Variants in RORB observed in about 807,000 individuals in gnomAD.
RORB encodes RAR related orphan receptor B.
A neutral mutation model predicts 59.1 loss-of-function variants in RORB; 6 were observed. The observed-to-expected ratio is 0.10, with a 90% CI of 0.06 to 0.20. The LOEUF is 0.20. Ranked by LOEUF, RORB falls within the 10% of genes least tolerant of loss-of-function variation. The pLI is 1.00. For synonymous variants in RORB, 215 were observed against 204.5 expected, an observed-to-expected ratio of 1.05 and a Z score of -0.44; for missense variants, 320 against 560.5, an observed-to-expected ratio of 0.57 and a Z score of 4.33.
At chr9:74,620,956 T>C (rs1823403923) in intron 1 of RORB, among the ~76,000 whole-genome samples, 1 of 152,210 alleles carries the variant, frequency 6.6e-6, no homozygotes. Flanking sequence ...TGCAATTCAC[T>C]TTTTTGAAAA....
chr9:74,684,008 G>A (rs1185252542), intron 9 of RORB, among the ~76,000 whole-genome samples: 1 of 152,108 alleles, frequency 6.6e-6, no homozygotes, highest in Admixed American at 6.6e-5. Flanking sequence ...CCATTCTATC[G>A]ACAAAGATTC....
intron 1 of RORB, among the ~76,000 whole-genome samples, chr9:74,596,312 G>A (rs890855442): frequency 2.6e-5 from 4 of 152,078 alleles, no homozygotes; most frequent in Non-Finnish European, 4.4e-5. Flanking sequence ...GAGAATTAAC[G>A]AATAAAAAGG....
At chr9:74,675,228 T>C (rs1435275085) in intron 9 of RORB, among the ~76,000 whole-genome samples, 2 of 151,756 alleles carry the variant, frequency 1.3e-5, no homozygotes. Flanking sequence ...TAAATAATAG[T>C]TAGATTTGGC....
At chr9:74,517,318 G>A (rs933711992) in intron 1 of RORB, among the ~76,000 whole-genome samples, 2 of 151,836 alleles carry the variant, frequency 1.3e-5, no homozygotes, top group African/African-American at 4.8e-5. Flanking sequence ...GTAACGAAAG[G>A]TACTGACATC....
At chr9:74,674,938 T>C (rs1824411486) in intron 9 of RORB, among the ~76,000 whole-genome samples, 1 of 152,190 alleles carries the variant, frequency 6.6e-6, no homozygotes, top group South Asian at 2.1e-4. Context: ...TATACCAATA[T>C]ATGGCTAACT....
In RORB at chr9:74,620,456, G is replaced by T. The variant is rs375088632; in HGVS notation, c.8-9826G>T. ...CTTTTCTTCTTTATTAGTCTTGCTA[G>T]CAGTCTATCGATTTTGTTGATCTTT... On this transcript the variant is annotated intron_variant, in intron 1 of 9. Transcript: ENST00000376896. Among the ~76,000 whole-genome samples the T allele has an allele frequency of 4.2e-4, 63 of 151,164 alleles. 1 individual carries two copies. In the East Asian group the frequency reaches 5.4e-3, roughly 13 times the overall value.
At chr9:74,563,644 A>G (rs1338261338) in intron 1 of RORB, among the ~76,000 whole-genome samples, 3 of 152,344 alleles carry the variant, frequency 2.0e-5, no homozygotes, top group Middle Eastern at 3.4e-3. Flanking sequence ...TTTGACAGTG[A>G]TGTGTCTCGA....
intron 1 of RORB, among the ~76,000 whole-genome samples, chr9:74,524,548 C>T (rs1049378763): frequency 1.3e-5 from 2 of 151,870 alleles, no homozygotes; most frequent in Admixed American, 6.6e-5. Flanking sequence ...ATAAAAGATT[C>T]CACTAATTTA....
At chr9:74,668,788 T>G (rs1216478604) in intron 8 of RORB, among the ~76,000 whole-genome samples, 1 of 152,086 alleles carries the variant, frequency 6.6e-6, no homozygotes. Context: ...AGTCCCAGGG[T>G]GGCAGAAACA....
chr9:74,533,887 TA>T (rs1269389144), intron 1 of RORB, among the ~76,000 whole-genome samples: 2 of 151,980 alleles, frequency 1.3e-5, no homozygotes, highest in Admixed American at 6.6e-5. Context: ...ACTTGTGCAT[TA>T]GGGGTTGGTA....
intron 1 of RORB, among the ~76,000 whole-genome samples, chr9:74,517,783 T>G (rs1826029014): frequency 6.6e-6 from 1 of 151,966 alleles, no homozygotes; most frequent in East Asian, 1.9e-4. Context: ...TAAATAAAAA[T>G]AAGTTATAAG....
intron 1 of RORB, among the ~76,000 whole-genome samples, chr9:74,554,176 T>C (rs1159796605): frequency 6.6e-6 from 1 of 152,150 alleles, no homozygotes; most frequent in Non-Finnish European, 1.5e-5. Flanking sequence ...ACAGGTGAGA[T>C]AAATGAGAAC....
chr9:74,664,419 G>T (rs1824236176), intron 6 of RORB, among the ~76,000 whole-genome samples: 1 of 152,066 alleles, frequency 6.6e-6, no homozygotes, highest in African/African-American at 2.4e-5. Flanking sequence ...AGTCAAAAAG[G>T]TAGGGTACTT....
rs777306269 is a variant in RORB at position 74,603,209 on chromosome 9, A to G, written c.8-27073A>G. The stretch of plus-strand genomic sequence containing the variant: ...TCGTGGCTCTCAGAGAGGATGCCCA[A>G]CCTTCAGTGATGAAGAAAACACAGG... On this transcript the variant is annotated intron_variant, in intron 1 of 9. Coordinates refer to ENST00000376896, the MANE Select transcript of RORB (RefSeq NM_006914.4). Among the ~76,000 whole-genome samples, 10 of 152,308 alleles carry G rather than the reference A, an allele frequency of 6.6e-5. No homozygotes were observed. In the South Asian group the frequency reaches 8.3e-4, roughly 13 times the overall value.
rs1824140380 is a variant in RORB, at chr9:74,659,279, A to T, written c.638-1338A>T. ...CCCTATATACCAGAAGCTTAGTGAGATAGAAAGGAGACAGCCAAATGCTGC... is the reference window on the plus strand; with the variant it reads ...CCCTATATACCAGAAGCTTAGTGAGTTAGAAAGGAGACAGCCAAATGCTGC... On this transcript the variant is annotated intron_variant, in intron 4 of 9. Transcript: ENST00000376896. Among the ~76,000 whole-genome samples the T allele has an allele frequency of 2.0e-5, 3 of 152,340 alleles. No individual in the cohort carries two copies. In the South Asian group the frequency reaches 6.2e-4, roughly 32 times the overall value.
At chr9:74,641,321 CT>C (rs1823802085) in intron 3 of RORB, among the ~76,000 whole-genome samples, 1 of 152,168 alleles carries the variant, frequency 6.6e-6, no homozygotes, top group Non-Finnish European at 1.5e-5. Flanking sequence ...ATGAAAGCAC[CT>C]TGATATTACC....
chr9:74,521,961 T>C (rs1011526582), intron 1 of RORB, among the ~76,000 whole-genome samples: 2 of 151,788 alleles, frequency 1.3e-5, no homozygotes, highest in Non-Finnish European at 3.0e-5. Flanking sequence ...TATCCTATAC[T>C]AATTTCTGCT....
intron 1 of RORB, among the ~76,000 whole-genome samples, chr9:74,627,878 A>T (rs1435977786): frequency 6.6e-6 from 1 of 152,172 alleles, no homozygotes; most frequent in Non-Finnish European, 1.5e-5. Context: ...TGATAAAGGA[A>T]TAATAATGTG....
chr9:74,572,653 C>CCAGAGCTAAAAAAAAAAGG (rs1042600717), intron 1 of RORB, among the ~76,000 whole-genome samples: 21 of 152,238 alleles, frequency 1.4e-4, no homozygotes, highest in African/African-American at 5.1e-4. Context: ...AAATTAAAAC[C>CCAGAGCTAAAAAAAAAAGG]GGTAAGGAGA....
Sources: allele counts gnomAD v4.1 joint callset (sites outside exome capture counted in the v4.1 genomes callset), GRCh38; gene constraint gnomAD v4.1.1; transcripts MANE v1.5; gene names NCBI Gene and HGNC (gene_info 2026-07-23, HGNC 2026-07-21).